ERC2: variants seen among roughly 807,000 people sequenced by gnomAD.
The protein encoded by ERC2 is ELKS/RAB6-interacting/CAST family member 2.
Under a neutral mutation model 114.8 loss-of-function variants are expected in ERC2, and 42 were observed. That is an observed-to-expected ratio of 0.37 (90% CI 0.29 to 0.47). The LOEUF (loss-of-function observed/expected upper bound fraction) is 0.47, where lower values mean the gene tolerates loss of function less well. Ranked by LOEUF, ERC2 falls within the 20% of genes least tolerant of loss-of-function variation. The pLI is 0.99. For missense variants in ERC2, 939 were observed against 1,150.7 expected, an observed-to-expected ratio of 0.82 and a Z score of 2.66; for synonymous variants, 454 against 425.5, an observed-to-expected ratio of 1.07 and a Z score of -0.82.
intron 3 of ERC2, among the ~76,000 whole-genome samples, chr3:56,181,880 C>A (rs546425824): frequency 6.6e-6 from 1 of 152,202 alleles, no homozygotes; most frequent in Admixed American, 6.5e-5. Flanking sequence ...TGCCAAAAGC[C>A]CTGCGAATGA....
intron 2 of ERC2, among the ~76,000 whole-genome samples, chr3:56,301,738 T>C (rs2055892393): frequency 6.6e-6 from 1 of 152,000 alleles, no homozygotes. Flanking sequence ...TACCAGATTT[T>C]CAGTTATGTA....
chr3:56,343,192 T>TCTCTCTCTCTCTCTCTCACACACA (rs1376220124), intron 2 of ERC2, among the ~76,000 whole-genome samples: 1 of 126,130 alleles, frequency 7.9e-6, no homozygotes, highest in Admixed American at 8.4e-5. Context: ...TCTCTCTCTC[T>TCTCTCTCTCTCTCTCTCACACACA]CACACACACA....
chr3:55,705,575 T>A (rs1225691353), intron 15 of ERC2, among the ~76,000 whole-genome samples: 1 of 152,140 alleles, frequency 6.6e-6, no homozygotes, highest in East Asian at 1.9e-4. Context: ...GTAACATCTC[T>A]GGGAAAATGG....
intron 17 of ERC2, among the ~76,000 whole-genome samples, chr3:55,543,412 G>C (rs571473167): frequency 1.1e-4 from 16 of 152,312 alleles, no homozygotes; most frequent in African/African-American, 3.6e-4. Context: ...GCTCCCACGT[G>C]GGGGATGTTC....
In ERC2 at chr3:56,073,390, C is replaced by A. The variant is rs144719930; in HGVS notation, c.1641+7427G>T. 5.3e-4 allele frequency among the ~76,000 whole-genome samples: 80 copies of A among 152,262 alleles called. No individual in the cohort carries two copies. In the East Asian group the frequency reaches 6.6e-3, roughly 12 times the overall value. On this transcript the variant is annotated intron_variant, in intron 7 of 17. Coordinates refer to ENST00000288221, the MANE Select transcript of ERC2 (RefSeq NM_015576.3). ...GCAGCACCCCTGGAATAGACCCTACCCATGAGATGCTTAGAGCATCCTCCC... is the reference window on the plus strand; with the variant it reads ...GCAGCACCCCTGGAATAGACCCTACACATGAGATGCTTAGAGCATCCTCCC...
At chr3:56,299,707 C>T (rs2055734103) in intron 2 of ERC2, among the ~76,000 whole-genome samples, 1 of 152,158 alleles carries the variant, frequency 6.6e-6, no homozygotes, top group Non-Finnish European at 1.5e-5. Flanking sequence ...TGGGACTACA[C>T]TTGTGAGCCA....
chr3:56,311,239 C>CTATA (rs2056533357), intron 2 of ERC2, among the ~76,000 whole-genome samples: 3 of 16,892 alleles, frequency 1.8e-4, no homozygotes, highest in Non-Finnish European at 4.8e-4. Context: ...TCTTCTCTCT[C>CTATA]TCTCTCTCTC....
chr3:55,764,703 T>C (rs2067659292), intron 14 of ERC2, among the ~76,000 whole-genome samples: 1 of 152,192 alleles, frequency 6.6e-6, no homozygotes, highest in South Asian at 2.1e-4. Context: ...CATTTGACAA[T>C]TGTTGAATGA....
chr3:56,074,552 C>G (rs1416811114), intron 7 of ERC2, among the ~76,000 whole-genome samples: 1 of 152,146 alleles, frequency 6.6e-6, no homozygotes, highest in Non-Finnish European at 1.5e-5. Context: ...AGGAAGCATT[C>G]TCTTTGCAGA....
At chr3:56,113,249 A>T (rs901551032) in intron 6 of ERC2, among the ~76,000 whole-genome samples, 4 of 152,186 alleles carry the variant, frequency 2.6e-5, no homozygotes, top group Admixed American at 2.6e-4. Flanking sequence ...AGATGACAAC[A>T]AATGAAAGAA....
At chr3:55,757,197 C>G (rs2067118953) in intron 14 of ERC2, among the ~76,000 whole-genome samples, 1 of 152,178 alleles carries the variant, frequency 6.6e-6, no homozygotes. Context: ...GAGAGCTTCT[C>G]TGTTTTGTGA....
intron 2 of ERC2, among the ~76,000 whole-genome samples, chr3:56,369,680 CTTT>C (rs564407366): frequency 6.9e-6 from 1 of 144,558 alleles, no homozygotes; most frequent in Non-Finnish European, 1.5e-5. Context: ...CTGGATACTA[CTTT>C]TTTTTTTTTT....
chr3:55,859,243 C>T (rs528546788), intron 14 of ERC2, among the ~76,000 whole-genome samples: 1 of 152,158 alleles, frequency 6.6e-6, no homozygotes, highest in Non-Finnish European at 1.5e-5. Flanking sequence ...GTGCTTAGCT[C>T]CATGGGGAAA....
chr3:55,904,180 G>T (rs183376009), intron 13 of ERC2, among the ~76,000 whole-genome samples: 1 of 152,224 alleles, frequency 6.6e-6, no homozygotes. Flanking sequence ...GGAACTGTGT[G>T]GAATAGGTGG....
intron 3 of ERC2, among the ~76,000 whole-genome samples, chr3:56,195,850 TC>T (rs2048069394): frequency 6.6e-6 from 1 of 150,426 alleles, no homozygotes; most frequent in African/African-American, 2.4e-5. Flanking sequence ...AAAAAATAGG[TC>T]AATACCATAC....
intron 6 of ERC2, among the ~76,000 whole-genome samples, chr3:56,114,209 G>A (rs1294335561): frequency 6.6e-6 from 1 of 152,164 alleles, no homozygotes; most frequent in Non-Finnish European, 1.5e-5. Context: ...TTGGAGTGGA[G>A]ACTTAACATT....
intron 7 of ERC2, among the ~76,000 whole-genome samples, chr3:56,028,146 C>A (rs1352209111): frequency 6.6e-6 from 1 of 152,102 alleles, no homozygotes; most frequent in Non-Finnish European, 1.5e-5. Context: ...CCTAGTCTGT[C>A]CCATTAATCT....
intron 16 of ERC2, among the ~76,000 whole-genome samples, chr3:55,698,749 AT>A (rs1224624314): frequency 6.6e-6 from 1 of 152,234 alleles, no homozygotes; most frequent in African/African-American, 2.4e-5. Flanking sequence ...AAGAGTTTTA[AT>A]ACTAAACATT....
intron 12 of ERC2, among the ~76,000 whole-genome samples, chr3:55,982,360 T>C (rs191086229): frequency 7.8e-4 from 118 of 152,224 alleles, no homozygotes; most frequent in African/African-American, 2.8e-3. Flanking sequence ...ACTAACTGTA[T>C]AAATTTAGCA....
Sources: gnomAD v4.1 joint callset for allele counts (sites outside exome capture counted in the v4.1 genomes callset) on GRCh38, gnomAD v4.1.1 for gene constraint, MANE v1.5 for transcripts, NCBI Gene and HGNC (gene_info 2026-07-23, HGNC 2026-07-21) for gene names.